DNM3: variants seen among roughly 807,000 people sequenced by gnomAD.
DNM3 encodes the protein dynamin 3, also known as dynamin-3.
A neutral mutation model predicts 101.6 loss-of-function variants in DNM3; 47 were observed. That is an observed-to-expected ratio of 0.46 (90% confidence interval 0.37 to 0.59). The LOEUF (loss-of-function observed/expected upper bound fraction) is 0.59, where lower values mean the gene tolerates loss of function less well. Among genes scored for constraint, DNM3 ranks in the 20% least tolerant of loss-of-function variants. The pLI, the probability that DNM3 is intolerant of heterozygous loss-of-function variation, is 0.00. For synonymous variants in DNM3, 385 were observed against 387.9 expected, an observed-to-expected ratio of 0.99 and a Z score of 0.09; for missense variants, 849 against 1,085.7, an observed-to-expected ratio of 0.78 and a Z score of 3.06.
At chr1:172,032,315 T>G in intron 4 of DNM3, 87 bp from the exon 5 acceptor site, 1 of 941,840 alleles carries the variant, frequency 1.1e-6, no homozygotes, top group East Asian at 2.5e-5. Context: ...CAGGAAAATG[T>G]GCTTTACATT....
chr1:172,065,099 T>C (rs4916417), intron 10 of DNM3, among the ~76,000 whole-genome samples: 4,938 of 152,298 alleles, frequency 0.032, 159 homozygotes, highest in East Asian at 0.17. Flanking sequence ...CTCTACTTCA[T>C]GGGATATTCT....
intron 14 of DNM3, among the ~76,000 whole-genome samples, chr1:172,213,984 C>A (rs1022969619): frequency 6.6e-6 from 1 of 152,114 alleles, no homozygotes; most frequent in African/African-American, 2.4e-5. Flanking sequence ...TTTAATCACT[C>A]CTTCAGGTAG....
At chr1:171,935,335 A>G (rs1457369429) in intron 2 of DNM3, among the ~76,000 whole-genome samples, 1 of 152,166 alleles carries the variant, frequency 6.6e-6, no homozygotes, top group Non-Finnish European at 1.5e-5. Flanking sequence ...GACATTTAGT[A>G]CTTAGTACAG....
At chr1:172,379,864 A>C (rs566606708) in intron 18 of DNM3, among the ~76,000 whole-genome samples, 10 of 152,142 alleles carry the variant, frequency 6.6e-5, no homozygotes, top group Non-Finnish European at 1.0e-4. Flanking sequence ...AACTTTTTAC[A>C]GTACAAATAA....
At chr1:171,879,543 T>C (rs187376737) in intron 1 of DNM3, among the ~76,000 whole-genome samples, 6 of 152,232 alleles carry the variant, frequency 3.9e-5, no homozygotes, top group Non-Finnish European at 7.4e-5. Context: ...AAGAAAAAAA[T>C]AGAATAATAA....
Position 171,841,550 on chromosome 1 carries a change from C to A in DNM3, c.-107C>A. On this transcript the variant is annotated 5_prime_UTR_variant, in exon 1 of 21. In the 5' UTR this introduces an upstream ATG that the reference lacks. Transcript: ENST00000627582. Reference sequence around the variant, plus strand: ...CTCCGACGTCTGCGCCAGGACCTGGCTGGCTGAGCCCGGCGCAGCAGCAGC... The same window carrying A: ...CTCCGACGTCTGCGCCAGGACCTGGATGGCTGAGCCCGGCGCAGCAGCAGC... 1.4e-6 allele frequency: 2 copies of A among 1,447,270 alleles called. No individual in the cohort carries two copies. Among genetic ancestry groups the A allele is most frequent in the Non-Finnish European group, 1.8e-6 (2 of 1,095,046 alleles). 89.7% of individuals were successfully genotyped at this position (1,447,270 alleles called of 1,614,324 possible).
At chr1:172,104,392 C>A (rs987100452) in intron 13 of DNM3, among the ~76,000 whole-genome samples, 2 of 151,982 alleles carry the variant, frequency 1.3e-5, no homozygotes, top group East Asian at 3.9e-4. Flanking sequence ...TCTTCTTAAA[C>A]CACAGTTACT....
chr1:172,357,388 C>G (rs74534302), intron 17 of DNM3, among the ~76,000 whole-genome samples: 1 of 152,006 alleles, frequency 6.6e-6, no homozygotes, highest in Non-Finnish European at 1.5e-5. Context: ...TGAGACAGAT[C>G]GACATCACAT....
chr1:172,041,180 C>A (rs1398221181), intron 7 of DNM3, among the ~76,000 whole-genome samples: 4 of 152,090 alleles, frequency 2.6e-5, no homozygotes, highest in Non-Finnish European at 5.9e-5. Context: ...TTGCTGAGAG[C>A]TGAACCAAGG....
intron 13 of DNM3, among the ~76,000 whole-genome samples, chr1:172,095,261 C>G (rs2054169304): frequency 6.6e-6 from 1 of 152,104 alleles, no homozygotes; most frequent in Non-Finnish European, 1.5e-5. Flanking sequence ...TATTCTATTT[C>G]TGCAGTGAAA....
chr1:172,320,857 TGAA>T (rs1361156124), intron 16 of DNM3, among the ~76,000 whole-genome samples: 2 of 152,186 alleles, frequency 1.3e-5, no homozygotes, highest in Non-Finnish European at 2.9e-5. Context: ...GTAGGAAGTC[TGAA>T]ACAATGTCCT....
chr1:172,286,520 C>T (rs1249963091), intron 15 of DNM3, among the ~76,000 whole-genome samples: 1 of 152,062 alleles, frequency 6.6e-6, no homozygotes, highest in African/African-American at 2.4e-5. Flanking sequence ...TTGGCTTGTC[C>T]CCCTATGGGA....
At chr1:172,007,317 ATTTTCATTG>A (rs531248342) in intron 4 of DNM3, among the ~76,000 whole-genome samples, 1 of 151,908 alleles carries the variant, frequency 6.6e-6, no homozygotes, top group African/African-American at 2.4e-5. Flanking sequence ...TGTTAGTTTT[ATTTTCATTG>A]TTTTCATTGT....
At chr1:172,163,627 A>C (rs1405407538) in intron 14 of DNM3, among the ~76,000 whole-genome samples, 1 of 151,888 alleles carries the variant, frequency 6.6e-6, no homozygotes, top group Non-Finnish European at 1.5e-5. Flanking sequence ...TTTGAGCAAC[A>C]CTTCCCCATT....
intron 13 of DNM3, among the ~76,000 whole-genome samples, chr1:172,107,172 C>A (rs2055117850): frequency 6.6e-6 from 1 of 152,050 alleles, no homozygotes; most frequent in African/African-American, 2.4e-5. Context: ...TAACATTATT[C>A]TTTATAAAAA....
chr1:172,076,642 T>A (rs115065028), intron 11 of DNM3, among the ~76,000 whole-genome samples: 5,654 of 152,254 alleles, frequency 0.037, 248 homozygotes, highest in East Asian at 0.14. Flanking sequence ...ATGTTGAACC[T>A]GCCTTGAGTC....
At chr1:172,348,265 G>A (rs2067037634) in intron 17 of DNM3, among the ~76,000 whole-genome samples, 1 of 152,106 alleles carries the variant, frequency 6.6e-6, no homozygotes, top group Non-Finnish European at 1.5e-5. Flanking sequence ...TAAAATTGTT[G>A]AAGTCTAACA....
intron 2 of DNM3, 117 bp from the exon 3 acceptor site, chr1:171,987,539 G>A (rs778258725): frequency 3.3e-5 from 36 of 1,103,922 alleles, no homozygotes; most frequent in Middle Eastern, 4.7e-4. Context: ...TCTGTGGGAT[G>A]TTCATGAAGG....
intron 15 of DNM3, among the ~76,000 whole-genome samples, chr1:172,278,039 C>G (rs1318769916): frequency 6.6e-6 from 1 of 152,106 alleles, no homozygotes; most frequent in Admixed American, 6.6e-5. Flanking sequence ...GAAAACCTCT[C>G]TGCCTTTCCT....
Sources: gnomAD v4.1 joint callset for allele counts (sites outside exome capture counted in the v4.1 genomes callset) on GRCh38, gnomAD v4.1.1 for gene constraint, MANE v1.5 for transcripts, NCBI Gene and HGNC (gene_info 2026-07-23, HGNC 2026-07-21) for gene names.